Variants in SLC38A3 observed in about 807,000 individuals in gnomAD.
SLC38A3 encodes solute carrier family 38 member 3.
In SLC38A3, 17 loss-of-function variants were observed where a neutral mutation model predicts 59.5. The ratio of observed to expected loss-of-function variants is 0.29; its 90% CI spans 0.20 to 0.43. The LOEUF (loss-of-function observed/expected upper bound fraction) is 0.43, where lower values mean the gene tolerates loss of function less well. Among genes scored for constraint, SLC38A3 ranks in the 20% least tolerant of loss-of-function variants. The pLI is 1.00. For missense variants in SLC38A3, 454 were observed against 653.9 expected (o/e 0.69, Z 3.33); for synonymous variants, 238 against 260.3 (o/e 0.91, Z 0.82).
At position 50,217,870 on chromosome 3, in the gene SLC38A3, C is replaced by G. The variant is rs765131121; in HGVS notation, c.855+30C>G. On this transcript the variant is annotated intron_variant, in intron 10 of 15. Coordinates refer to ENST00000614032, the MANE Select transcript of SLC38A3 (RefSeq NM_006841.6). The surrounding 1 kb of genome is among the most constrained non-coding windows in gnomAD (Gnocchi z 4.9). ...TGACAGGTCAGGGCAAGGCGGGGGC[C>G]CAATGAGAGTGGCAGACTGCCTTGA... 2 of 1,613,894 alleles carry G rather than the reference C, an allele frequency of 1.2e-6. No homozygotes were observed. Among genetic ancestry groups the G allele is most frequent in the Non-Finnish European group, 1.7e-6 (2 of 1,179,912 alleles).
chr3:50,219,991 G>C lies in SLC38A3; in HGVS notation c.1410+7G>C. On this transcript the variant is annotated splice_region_variant and intron_variant, in intron 15 of 15. Transcript: ENST00000614032. The stretch of plus-strand genomic sequence containing the variant: ...ATCCACCCCCAAAATCCTGGTGCGA[G>C]GGGCCTGGAGGCCGGTGGGCTGGTA... 1.9e-6 allele frequency: 3 copies of C among 1,609,714 alleles called. No individual in the cohort carries two copies. Among genetic ancestry groups the C allele is most frequent in the Non-Finnish European group, 2.5e-6 (3 of 1,177,882 alleles).
chr3:50,206,100 G>C (rs1340122495), intron 1 of SLC38A3, among the ~76,000 whole-genome samples: 2 of 152,264 alleles, frequency 1.3e-5, no homozygotes, highest in Non-Finnish European at 2.9e-5. Context: ...GACTTGGTTT[G>C]CAAGAGCCCG....
At chr3:50,213,660 C>T (rs901974307) in intron 1 of SLC38A3, among the ~76,000 whole-genome samples, 4 of 152,246 alleles carry the variant, frequency 2.6e-5, no homozygotes, top group African/African-American at 4.8e-5. Context: ...GGCCTCCAGC[C>T]GTCGGGCAGT....
At chr3:50,212,850 G>A (rs906776961) in intron 1 of SLC38A3, among the ~76,000 whole-genome samples, 3 of 152,206 alleles carry the variant, frequency 2.0e-5, no homozygotes, top group Non-Finnish European at 4.4e-5. Flanking sequence ...AGTGGGGATG[G>A]GGGGTTCAGG....
chr3:50,216,384 A>G (rs1260188731), intron 7 of SLC38A3, among the ~76,000 whole-genome samples: 3 of 152,200 alleles, frequency 2.0e-5, no homozygotes, highest in African/African-American at 7.2e-5. Context: ...GCCTTTCCCA[A>G]GGAGTTGGCC....
At chr3:50,208,826 G>A (rs992889179) in intron 1 of SLC38A3, among the ~76,000 whole-genome samples, 2 of 152,082 alleles carry the variant, frequency 1.3e-5, no homozygotes, top group East Asian at 1.9e-4. Flanking sequence ...ATGCATGGAC[G>A]CATGGAGCTA....
chr3:50,214,509 G>A lies in SLC38A3; in HGVS notation c.183+26G>A. ...GTGAGCAGGGCAGCAACGGGTTTTA[G>A]GGGACACTGTGGGGAGCTTGGATGC... On this transcript the variant is annotated intron_variant, in intron 3 of 15. Transcript: ENST00000614032. This position sits in a 1 kb window ranked among gnomAD's most constrained non-coding sequence, Gnocchi z 6.0. 1.3e-6 allele frequency: 2 copies of A among 1,550,238 alleles called. No homozygotes were observed. The highest frequency in any genetic ancestry group is 2.4e-5 in the South Asian group (2 of 84,312).
chr3:50,211,092 T>C (rs1699719737), intron 1 of SLC38A3, among the ~76,000 whole-genome samples: 1 of 152,050 alleles, frequency 6.6e-6, no homozygotes, highest in South Asian at 2.1e-4. Context: ...CCCTAGAGGG[T>C]CTACTCTGGG....
chr3:50,213,605 G>A (rs1018267161), intron 1 of SLC38A3, among the ~76,000 whole-genome samples: 2 of 152,220 alleles, frequency 1.3e-5, no homozygotes, highest in African/African-American at 4.8e-5. Flanking sequence ...AGCAGTGCCC[G>A]CCGGGCGGCT....
intron 1 of SLC38A3, among the ~76,000 whole-genome samples, chr3:50,205,656 G>A (rs1699634867): frequency 6.6e-6 from 1 of 152,230 alleles, no homozygotes; most frequent in Non-Finnish European, 1.5e-5. Flanking sequence ...CCCGGGGCTG[G>A]GACCACAGGA....
chr3:50,214,213 T>G lies in SLC38A3; in HGVS notation c.14T>G (p.Leu5Trp). The G allele has an allele frequency of 6.2e-7, 1 of 1,613,706 alleles. No homozygotes were observed. The highest frequency in any genetic ancestry group is 1.1e-5 in the South Asian group (1 of 91,042). ...GTGCCCTGAGCCATGGAGGCGCCTT[T>G]GCAGACAGAGATGGTGGAGCTGGTG... The part of the protein sequence containing the change: MEAP[L>W]QTEMVELVPN... The change falls in exon 2 of 16, where the codon TTG (leucine) becomes TGG (tryptophan). Residue 5 changes from leucine to tryptophan, a missense_variant. Leu to Trp is a moderately conservative substitution (Grantham distance 61). This residue lies in a region of SLC38A3 where 390 missense variants were observed against 557.9 expected (regional missense o/e 0.70). Transcript: ENST00000614032. This position sits in a 1 kb window ranked among gnomAD's most constrained non-coding sequence, Gnocchi z 6.0.
rs1298823073 is a variant in SLC38A3, at chr3:50,220,157, C to G, written c.1495C>G (p.Arg499Gly). 2 of 1,595,826 alleles carry G rather than the reference C, an allele frequency of 1.3e-6. No individual in the cohort carries two copies. Among genetic ancestry groups the G allele is most frequent in the Non-Finnish European group, 1.7e-6 (2 of 1,170,082 alleles). ...CATTGACTGGGCCTCAGGGACCAGCCGGCATGGAGGAAACCACTAGGGTGA... is the reference window on the plus strand; with the variant it reads ...CATTGACTGGGCCTCAGGGACCAGCGGGCATGGAGGAAACCACTAGGGTGA... ...IIIDWASGTSRHGGNH is the reference protein window; with the variant it reads ...IIIDWASGTSGHGGNH Residue 499 changes from arginine (R) to glycine (G), a missense_variant, in exon 16 of 16, where the codon CGG becomes GGG. Transcript: ENST00000614032.
rs774727394 is a variant in SLC38A3 at position 50,217,939 on chromosome 3, T to C, written c.878T>C (p.Met293Thr). The change falls in exon 11 of 16, where the codon ATG (methionine) becomes ACG (threonine). Residue 293 changes from methionine to threonine, a missense_variant. Transcript: ENST00000614032. This position sits in a 1 kb window ranked among gnomAD's most constrained non-coding sequence, Gnocchi z 4.9. ...CAGACAGCATACACCATCCCCATCA[T>C]GGCCTTCGCCTTCGTCTGCCACCCC... ...NSQTAYTIPI[M>T]AFAFVCHPEV... 3.7e-6 allele frequency: 6 copies of C among 1,613,910 alleles called. No individual in the cohort carries two copies. The African/African-American group carries it at 4.0e-5, about 11-fold the overall frequency.
In SLC38A3 at chr3:50,215,550, G is replaced by C; in HGVS notation, c.380G>C (p.Arg127Pro). The C allele has an allele frequency of 1.2e-6, 2 of 1,613,894 alleles. No homozygotes were observed. Among genetic ancestry groups the C allele is most frequent in the Non-Finnish European group, 1.7e-6 (2 of 1,179,884 alleles). Residue 127 changes from arginine to proline, a missense_variant, in exon 6 of 16, where the codon CGT becomes CCT. Arg to Pro is a moderately radical substitution (Grantham distance 103). Coordinates refer to ENST00000614032, the MANE Select transcript of SLC38A3 (RefSeq NM_006841.6). This position sits in a 1 kb window ranked among gnomAD's most constrained non-coding sequence, Gnocchi z 7.1. ...LLKSSGVVGI[R>P]AYEQLGYRAF... ...CTTGACCCTGCTCCTGCAGGCATCC[G>C]TGCCTATGAGCAGCTGGGCTACCGT...
rs1699839796 is a variant in SLC38A3, at chr3:50,217,785, T to A, written c.800T>A (p.Val267Asp). The change falls in exon 10 of 16, where the codon GTC (valine) becomes GAC (aspartate). Residue 267 changes from valine (V) to aspartate (D), a missense_variant. By Grantham distance (152) the Val-to-Asp change is radical. Around this residue, in one of 3 missense-constraint regions of SLC38A3, gnomAD observed 390 missense variants for 557.9 expected, o/e 0.70. Transcript: ENST00000614032. This position sits in a 1 kb window ranked among gnomAD's most constrained non-coding sequence, Gnocchi z 4.9. The part of the protein sequence containing the change: ...EIVKEKVQLQ[V>D]EPEASAFCTP... ...GTGAAGGAGAAGGTGCAGCTGCAGGTCGAGCCTGAGGCTTCAGCCTTCTGC... is the reference window on the plus strand; with the variant it reads ...GTGAAGGAGAAGGTGCAGCTGCAGGACGAGCCTGAGGCTTCAGCCTTCTGC... 6.2e-7 allele frequency: 1 copy of A among 1,613,852 alleles called. No individual in the cohort carries two copies. Among genetic ancestry groups the A allele is most frequent in the Non-Finnish European group, 8.5e-7 (1 of 1,179,896 alleles).
intron 7 of SLC38A3, among the ~76,000 whole-genome samples, chr3:50,216,139 C>T (rs1314243458): frequency 3.9e-5 from 6 of 152,218 alleles, no homozygotes; most frequent in Admixed American, 6.5e-5. Flanking sequence ...TAGCTCTAAG[C>T]GCCTGCTATT....
Position 50,214,105 on chromosome 3 carries a change from G to A in SLC38A3, c.-51-44G>A. The A allele has an allele frequency of 8.2e-7, 1 of 1,215,604 alleles. No individual in the cohort carries two copies. Among genetic ancestry groups the A allele is most frequent in the South Asian group, 1.4e-5 (1 of 73,864 alleles). The allele number at this position is 1,215,604 out of a possible 1,614,324, so 75.3% of individuals were successfully genotyped here. A position where few individuals can be genotyped will look rare whatever the true frequency, so the allele number is the denominator to read the frequency against. ...GCCTCAGGTAGGAGGCTAGGCCGTA[G>A]GCCCAAGTAACGGGGCTAACCAGAG... is the stretch of plus-strand genomic sequence containing the variant. On this transcript the variant is annotated intron_variant, in intron 1 of 15. Coordinates refer to ENST00000614032, the MANE Select transcript of SLC38A3 (RefSeq NM_006841.6). The surrounding 1 kb of genome is among the most constrained non-coding windows in gnomAD (Gnocchi z 6.0).
In SLC38A3 at chr3:50,214,745, C is replaced by T; in HGVS notation, c.276C>T (p.Ala92=). 16 of 1,611,466 alleles carry T rather than the reference C, an allele frequency of 9.9e-6. No individual in the cohort carries two copies. Among genetic ancestry groups the T allele is most frequent in the Non-Finnish European group, 1.4e-5 (16 of 1,178,214 alleles). ...SGILGLAYAM[A]NTGIILFLFL... ...TCCTGGGACTCGCCTATGCCATGGC[C>T]AATACGGGCATTATCCTTTTCCTGT... is the stretch of plus-strand genomic sequence containing the variant. Residue 92 remains alanine, a synonymous_variant, in exon 4 of 16, where the codon GCC becomes GCT. Coordinates refer to ENST00000614032, the MANE Select transcript of SLC38A3 (RefSeq NM_006841.6). This position sits in a 1 kb window ranked among gnomAD's most constrained non-coding sequence, Gnocchi z 6.0.
At chr3:50,211,779 G>T (rs1699734324) in intron 1 of SLC38A3, among the ~76,000 whole-genome samples, 1 of 151,962 alleles carries the variant, frequency 6.6e-6, no homozygotes, top group African/African-American at 2.4e-5. Flanking sequence ...TAGAGATGGG[G>T]TTTTTCCATG....
Sources: allele counts gnomAD v4.1 joint callset (sites outside exome capture counted in the v4.1 genomes callset), GRCh38; gene constraint gnomAD v4.1.1; regional missense constraint gnomAD v4.1.1; non-coding constraint Gnocchi (gnomAD v3.1); transcripts MANE v1.5; gene names NCBI Gene and HGNC (gene_info 2026-07-23, HGNC 2026-07-21).